The following ASB7 variants were observed in gnomAD, a reference collection of about 807,000 sequenced individuals.
ASB7 encodes the protein ankyrin repeat and SOCS box containing 7, also known as ankyrin repeat and SOCS box protein 7.
In ASB7, 4 loss-of-function variants were observed where a neutral mutation model predicts 32.5. The observed-to-expected ratio is 0.12, with a 90% CI of 0.06 to 0.28. ASB7 has a LOEUF of 0.28. ASB7 is among the 10% of genes least tolerant of loss of function. The pLI is 1.00. For synonymous variants in ASB7, 172 were observed against 155.6 expected (o/e 1.11, Z -0.78); for missense variants, 181 against 407.1 (o/e 0.44, Z 4.78).
chr15:100,616,168 CTT>C lies in ASB7; in HGVS notation c.211+3745_211+3746del, dbSNP rs1249562969. Among the ~76,000 whole-genome samples the C allele has an allele frequency of 2.0e-5, 3 of 152,084 alleles. No homozygotes were observed. In the South Asian group the frequency reaches 6.2e-4, roughly 32 times the overall value. Reference sequence around the variant, plus strand: ...TTCCTGGTGTGATATACCTGCCTCTCTTTTTCTTTTTTTTTCTTGGAAAAAAT... The same window carrying C: ...TTCCTGGTGTGATATACCTGCCTCTCTTTCTTTTTTTTTCTTGGAAAAAAT... On this transcript the variant is annotated intron_variant, in intron 4 of 5. Coordinates refer to ENST00000332783, the MANE Select transcript of ASB7 (RefSeq NM_198243.3).
At chr15:100,626,621 TTC>T (rs1384230438) in intron 4 of ASB7, among the ~76,000 whole-genome samples, 1 of 152,034 alleles carries the variant, frequency 6.6e-6, no homozygotes, top group East Asian at 1.9e-4. Context: ...CCCCCTCTCC[TTC>T]TCTCTCTGTC....
rs148519496 is a variant in ASB7 at position 100,607,375 on chromosome 15, C to T, written c.-173-2332C>T. Reference sequence around the variant, plus strand: ...CTTTTCTTCATTTATACACGTGACTCGACTCTGTCAGGCGCAGCTCTCATA... The same window carrying T: ...CTTTTCTTCATTTATACACGTGACTTGACTCTGTCAGGCGCAGCTCTCATA... On this transcript the variant is annotated intron_variant, in intron 2 of 5. Coordinates refer to ENST00000332783, the MANE Select transcript of ASB7 (RefSeq NM_198243.3). Among the ~76,000 whole-genome samples the T allele has an allele frequency of 3.3e-3, 503 of 152,278 alleles. 1 individual carries two copies. The highest frequency in any genetic ancestry group is 0.01 in the Middle Eastern group (3 of 294).
intron 5 of ASB7, chr15:100,638,257 A>C (rs1226578789): frequency 1.3e-5 from 2 of 152,160 alleles, no homozygotes; most frequent in Non-Finnish European, 2.9e-5. Context: ...AAATCTGTGG[A>C]TAATACGAGA....
intron 4 of ASB7, among the ~76,000 whole-genome samples, chr15:100,617,192 C>T (rs2039751198): frequency 1.3e-5 from 2 of 152,234 alleles, no homozygotes; most frequent in Non-Finnish European, 2.9e-5. Context: ...TCTCTTCCAT[C>T]CCTGCCTCCA....
intron 4 of ASB7, among the ~76,000 whole-genome samples, chr15:100,622,220 A>AAAAAAG: frequency 5.6e-5 from 1 of 17,982 alleles, no homozygotes; most frequent in African/African-American, 1.9e-4. Flanking sequence ...AAAGAAAAAA[A>AAAAAAG]ACCCAACAAC....
chr15:100,606,747 C>CT (rs557939701), intron 2 of ASB7, among the ~76,000 whole-genome samples: 5 of 151,304 alleles, frequency 3.3e-5, no homozygotes, highest in South Asian at 2.1e-4. Context: ...TGTTTGTTTG[C>CT]TTTTTTTTTC....
intron 5 of ASB7, among the ~76,000 whole-genome samples, chr15:100,633,651 AAGG>A (rs938540299): frequency 2.0e-5 from 3 of 147,062 alleles, no homozygotes; most frequent in Non-Finnish European, 4.5e-5. Context: ...AGGAAGAAGG[AAGG>A]AGGAAGGAAG....
At chr15:100,627,387 T>C (rs2039848799) in intron 4 of ASB7, among the ~76,000 whole-genome samples, 1 of 152,256 alleles carries the variant, frequency 6.6e-6, no homozygotes, top group Non-Finnish European at 1.5e-5. Flanking sequence ...CATTTCTTAC[T>C]GAATTTCTGT....
Position 100,632,591 on chromosome 15 carries a change from C to T in ASB7, c.817+2549C>T, listed in dbSNP as rs367879424. On this transcript the variant is annotated intron_variant, in intron 5 of 5. Coordinates refer to ENST00000332783, the MANE Select transcript of ASB7 (RefSeq NM_198243.3). ...AGCACTAAATCAAAGCTGAGAGCTTCTTCTAGCCCGCGTGCTGTGGGCACC... is the reference window on the plus strand; with the variant it reads ...AGCACTAAATCAAAGCTGAGAGCTTTTTCTAGCCCGCGTGCTGTGGGCACC... Among the ~76,000 whole-genome samples the T allele has an allele frequency of 2.9e-3, 449 of 152,270 alleles. 1 individual carries two copies. The highest frequency in any genetic ancestry group is 0.01 in the African/African-American group (424 of 41,562).
chr15:100,630,600 A>G (rs2039876223), intron 5 of ASB7, among the ~76,000 whole-genome samples: 1 of 152,192 alleles, frequency 6.6e-6, no homozygotes. Flanking sequence ...TTGTAAGAAA[A>G]TATTTGCAGT....
At chr15:100,612,645 G>A in intron 4 of ASB7, 1 of 577,012 alleles carries the variant, frequency 1.7e-6, no homozygotes, top group Non-Finnish European at 3.1e-6. Context: ...CCCTGAAACT[G>A]TAGTGTCTGT....
In ASB7 at chr15:100,650,616, G is replaced by C. The variant is rs543865047; in HGVS notation, c.*2154G>C. The C allele has an allele frequency of 2.0e-5, 3 of 152,260 alleles. No individual in the cohort carries two copies. The South Asian group carries it at 6.2e-4, about 32-fold the overall frequency. 9.4% of individuals were successfully genotyped at this position (152,260 alleles called of 1,614,324 possible). ...GTTTCCAAACTAAGCCACTGAGTTT[G>C]AGTCAGGGAATTCCACGTAAAAAGA... On this transcript the variant is annotated 3_prime_UTR_variant, in exon 6 of 6. Coordinates refer to ENST00000332783, the MANE Select transcript of ASB7 (RefSeq NM_198243.3).
intron 5 of ASB7, among the ~76,000 whole-genome samples, chr15:100,642,651 G>C (rs1204002809): frequency 6.6e-6 from 1 of 152,216 alleles, no homozygotes; most frequent in Non-Finnish European, 1.5e-5. Flanking sequence ...AACTTTAGTG[G>C]CTTAAAACAA....
chr15:100,608,413 G>C (rs1048377905), intron 2 of ASB7, among the ~76,000 whole-genome samples: 3 of 152,176 alleles, frequency 2.0e-5, no homozygotes, highest in African/African-American at 7.2e-5. Flanking sequence ...TATCGAATCA[G>C]TTATTTGTAT....
At position 100,648,670 on chromosome 15, in the gene ASB7, G is replaced by A; in HGVS notation, c.*208G>A. 1 of 418,412 alleles carries A rather than the reference G, an allele frequency of 2.4e-6. No homozygotes were observed. Among genetic ancestry groups the A allele is most frequent in the East Asian group, 3.9e-5 (1 of 25,672 alleles). The allele number at this position is 418,412 out of a possible 1,614,324, so 25.9% of individuals were successfully genotyped here. A position where few individuals can be genotyped will look rare whatever the true frequency, so the allele number is the denominator to read the frequency against. ...ATATAAAAACACACACCACATGCTT[G>A]AAGGTCTTAATTTGGTTTCTTGGTC... On this transcript the variant is annotated 3_prime_UTR_variant, in exon 6 of 6. Transcript: ENST00000332783.
chr15:100,613,522 A>G (rs1242216052), intron 4 of ASB7, among the ~76,000 whole-genome samples: 7 of 152,392 alleles, frequency 4.6e-5, no homozygotes. Flanking sequence ...CCTACTTTGT[A>G]GCTTGTCTTC....
chr15:100,635,265 T>C (rs1211767385), intron 5 of ASB7, among the ~76,000 whole-genome samples: 4 of 152,240 alleles, frequency 2.6e-5, no homozygotes, highest in Non-Finnish European at 4.4e-5. Flanking sequence ...ATAATTTCAT[T>C]AATCTTAATA....
chr15:100,646,739 A>G (rs370900683), intron 5 of ASB7: 6 of 160,564 alleles, frequency 3.7e-5, no homozygotes, highest in Admixed American at 2.5e-4. Flanking sequence ...CTACAAAGAG[A>G]CAGCTCAAAA....
intron 4 of ASB7, among the ~76,000 whole-genome samples, chr15:100,621,136 C>T (rs570965317): frequency 5.3e-5 from 8 of 152,248 alleles, no homozygotes; most frequent in Admixed American, 2.6e-4. Context: ...AGCAGTTTAG[C>T]AGTATGTATT....
Sources: gnomAD v4.1 joint callset for allele counts (sites outside exome capture counted in the v4.1 genomes callset) on GRCh38, gnomAD v4.1.1 for gene constraint, MANE v1.5 for transcripts, NCBI Gene and HGNC (gene_info 2026-07-23, HGNC 2026-07-21) for gene names.